Variants in EVC2 observed in about 807,000 individuals in gnomAD.
EVC2 encodes EvC ciliary complex subunit 2, also known as limbin.
EVC2 carries 148 observed loss-of-function variants against 149.3 expected under a neutral mutation model. That is an observed-to-expected ratio of 0.99 (90% CI 0.87 to 1.14). The LOEUF (loss-of-function observed/expected upper bound fraction) is 1.14. EVC2 is among the 50% of genes most tolerant of loss of function. The pLI is 0.00. For missense variants in EVC2, 1,854 were observed against 1,627.3 expected (o/e 1.14, Z -2.40); for synonymous variants, 776 against 649.9 (o/e 1.19, Z -2.95).
chr4:5,681,670 G>T (rs1185451953), intron 6 of EVC2, among the ~76,000 whole-genome samples: 1 of 152,184 alleles, frequency 6.6e-6, no homozygotes, highest in Non-Finnish European at 1.5e-5. Flanking sequence ...GAGGTAGATG[G>T]AATCCTGGGC....
upstream of EVC2, chr4:5,709,025 C>T (rs1412247757): frequency 6.5e-6 from 1 of 153,018 alleles, no homozygotes; most frequent in African/African-American, 2.4e-5. Context: ...GGAAAAGGAC[C>T]CTCACTTCCG....
At chr4:5,595,899 A>C (rs1713363047) in intron 16 of EVC2, among the ~76,000 whole-genome samples, 1 of 152,186 alleles carries the variant, frequency 6.6e-6, no homozygotes, top group Non-Finnish European at 1.5e-5. Context: ...GGAAAACAAA[A>C]AAAGGCAGGG....
intron 16 of EVC2, among the ~76,000 whole-genome samples, chr4:5,591,037 G>A (rs890823732): frequency 5.3e-5 from 8 of 152,104 alleles, no homozygotes; most frequent in Admixed American, 3.9e-4. Context: ...CCTCTCACTA[G>A]GTCCTTCCAA....
intron 21 of EVC2, among the ~76,000 whole-genome samples, chr4:5,549,301 G>C (rs1010689090): frequency 1.3e-5 from 2 of 152,146 alleles, no homozygotes; most frequent in African/African-American, 4.8e-5. Flanking sequence ...TGCAATAATT[G>C]TAAGATGAGG....
At chr4:5,682,893 T>C (rs1373497977) in intron 6 of EVC2, among the ~76,000 whole-genome samples, 1 of 151,148 alleles carries the variant, frequency 6.6e-6, no homozygotes, top group South Asian at 2.1e-4. Flanking sequence ...ACCTTGGGAC[T>C]TAGAGCTTGC....
intron 7 of EVC2, 142 bp from the exon 8 acceptor site, chr4:5,665,791 G>C: frequency 7.4e-7 from 1 of 1,359,650 alleles, no homozygotes; most frequent in Non-Finnish European, 1.0e-6. Context: ...CCAGCTACCA[G>C]CTGGCTGCCT....
chr4:5,529,571 T>C, the EVC2 span, among the ~76,000 whole-genome samples: 3 of 152,206 alleles, frequency 2.0e-5, no homozygotes, highest in Non-Finnish European at 4.4e-5. The surrounding 1 kb of genome is among the most constrained non-coding windows in gnomAD (Gnocchi z 4.5). Context: ...ACTAAGAACA[T>C]ATCTTAAAAC....
At chr4:5,695,006 G>A (rs901801071) in intron 2 of EVC2, among the ~76,000 whole-genome samples, 3 of 152,124 alleles carry the variant, frequency 2.0e-5, no homozygotes, top group African/African-American at 7.2e-5. Context: ...CCATCCTAAA[G>A]AGGATGTGTG....
Position 5,618,373 on chromosome 4 carries a change from A to G in EVC2, c.2706+105T>C. The stretch of plus-strand genomic sequence containing the variant: ...GCCAGAGAGGAGAGGATAGGGGAGC[A>G]TGAGGTGAGATGGGCTCAGGCTGGG... On this transcript the variant is annotated intron_variant, in intron 15 of 21. Coordinates refer to ENST00000344408, the MANE Select transcript of EVC2 (RefSeq NM_147127.5). The surrounding 1 kb of genome is among the most constrained non-coding windows in gnomAD (Gnocchi z 4.4). 5.6e-6 allele frequency: 7 copies of G among 1,244,766 alleles called. No homozygotes were observed. Among genetic ancestry groups the G allele is most frequent in the Non-Finnish European group, 8.2e-6 (7 of 857,164 alleles). 77.1% of individuals were successfully genotyped at this position (1,244,766 alleles called of 1,614,324 possible).
intron 9 of EVC2, among the ~76,000 whole-genome samples, chr4:5,660,824 G>A (rs1200181489): frequency 6.6e-6 from 1 of 152,196 alleles, no homozygotes; most frequent in Non-Finnish European, 1.5e-5. Flanking sequence ...CCTAAATAGT[G>A]AGGAAGCTCA....
intron 14 of EVC2, among the ~76,000 whole-genome samples, chr4:5,619,471 A>G (rs1715521743): frequency 6.6e-6 from 1 of 152,220 alleles, no homozygotes; most frequent in African/African-American, 2.4e-5. Flanking sequence ...CAGCAACACC[A>G]GCAGCTAAGA....
At chr4:5,691,177 C>G in intron 4 of EVC2, 88 bp downstream of exon 4, 1 of 1,166,040 alleles carries the variant, frequency 8.6e-7, no homozygotes, top group East Asian at 2.3e-5. Flanking sequence ...CATGATTTAT[C>G]AGTTCTTAAA....
At chr4:5,692,776 A>T (rs1384194735) in intron 3 of EVC2, among the ~76,000 whole-genome samples, 1 of 147,846 alleles carries the variant, frequency 6.8e-6, no homozygotes, top group Non-Finnish European at 1.5e-5. Flanking sequence ...CTGAGGCAGG[A>T]GAATGGCGTG....
chr4:5,622,624 C>T lies in EVC2; in HGVS notation c.2414G>A (p.Ser805Asn), dbSNP rs1715777442. The change falls in exon 14 of 22, where the codon AGC becomes AAC. Residue 805 changes from serine to asparagine, a missense_variant. Transcript: ENST00000344408. The surrounding 1 kb of genome is among the most constrained non-coding windows in gnomAD (Gnocchi z 5.8). The part of the protein sequence containing the change: ...ERDRDQEGVQ[S>N]VRQRLKDDAP... Reference sequence around the variant, plus strand: ...GTCATCCTTCAGTCTCTGCCTCACGCTCTGGACACCCTCCTGGTCCCTGTC... The same window carrying T: ...GTCATCCTTCAGTCTCTGCCTCACGTTCTGGACACCCTCCTGGTCCCTGTC... 1 of 1,614,070 alleles carries T rather than the reference C, an allele frequency of 6.2e-7. No individual in the cohort carries two copies. Among genetic ancestry groups the T allele is most frequent in the Non-Finnish European group, 8.5e-7 (1 of 1,180,008 alleles).
At position 5,665,616 on chromosome 4, in the gene EVC2, A is replaced by T. The variant is rs138728350; in HGVS notation, c.904T>A (p.Phe302Ile). Reference protein sequence around the residue: ...LPHHGLHAAGFFIAFLLSLVL... With the variant: ...LPHHGLHAAGIFIAFLLSLVL... The stretch of plus-strand genomic sequence containing the variant: ...AGGGAGAGGAGGAAGGCAATGAAGA[A>T]CCCTGCTGCGTGGAGGCCGTGGTGC... The change falls in exon 8 of 22, where the codon TTC becomes ATC. Residue 302 changes from phenylalanine (F) to isoleucine (I), a missense_variant. Physicochemically the swap from Phe to Ile is conservative, Grantham distance 21 (BLOSUM62 0). Transcript: ENST00000344408. 725 of 1,614,156 alleles carry T rather than the reference A, an allele frequency of 4.5e-4. 6 individuals carry two copies. In the Middle Eastern group the frequency reaches 7.6e-3, roughly 17 times the overall value.
At chr4:5,589,068 C>G (rs1712553340) in intron 16 of EVC2, among the ~76,000 whole-genome samples, 1 of 152,224 alleles carries the variant, frequency 6.6e-6, no homozygotes, top group African/African-American at 2.4e-5. Context: ...TACTTTTTAA[C>G]TGAACTACAG....
At chr4:5,703,983 T>C (rs910774851) in intron 1 of EVC2, among the ~76,000 whole-genome samples, 1 of 151,704 alleles carries the variant, frequency 6.6e-6, no homozygotes, top group Non-Finnish European at 1.5e-5. Flanking sequence ...GGCCCTGAGG[T>C]GGGAACACAC....
At position 5,578,612 on chromosome 4, in the gene EVC2, GAATA is replaced by G. The variant is rs200330298; in HGVS notation, c.3058-2162_3058-2159del. Among the ~76,000 whole-genome samples the G allele has an allele frequency of 1.7e-3, 263 of 152,170 alleles. 1 individual carries two copies. The highest frequency in any genetic ancestry group is 0.014 in the East Asian group (70 of 5,158). ...CTCCACAGGTATCTGCTGAATGAAT[GAATA>G]CATACATAGATGTTGATGATGGATG... On this transcript the variant is annotated intron_variant, in intron 17 of 21. Transcript: ENST00000344408.
intron 1 of EVC2, among the ~76,000 whole-genome samples, chr4:5,701,549 G>A (rs1033232213): frequency 2.0e-5 from 3 of 152,026 alleles, no homozygotes; most frequent in Non-Finnish European, 2.9e-5. Flanking sequence ...TCCTCTCCTA[G>A]TCAAAAGTCC....
Sources: allele counts gnomAD v4.1 joint callset (sites outside exome capture counted in the v4.1 genomes callset), GRCh38; gene constraint gnomAD v4.1.1; non-coding constraint Gnocchi (gnomAD v3.1); transcripts MANE v1.5; gene names NCBI Gene and HGNC (gene_info 2026-07-23, HGNC 2026-07-21).